The following ADAR variants were observed in gnomAD, a reference collection of about 807,000 sequenced individuals.
ADAR encodes the protein double-stranded RNA-specific adenosine deaminase.
In ADAR, 41 loss-of-function variants were observed where a neutral mutation model predicts 113.2. The ratio of observed to expected loss-of-function variants is 0.36; its 90% CI spans 0.28 to 0.47. The LOEUF (loss-of-function observed/expected upper bound fraction) is 0.47. Ranked by LOEUF, ADAR falls within the 20% of genes least tolerant of loss-of-function variation. The pLI is 1.00. For synonymous variants in ADAR, 605 were observed against 572.6 expected (o/e 1.06, Z -0.81); for missense variants, 1,242 against 1,540.9 (o/e 0.81, Z 3.25).
Position 154,588,234 on chromosome 1 carries a change from G to A in ADAR, c.2910C>T (p.Ala970=). Reference sequence around the variant, plus strand: ...GGTCGCTGCAGGACTTGTCAAAGAGGGCGCCATCTCCACACGGAGCAGTGC... The same window carrying A: ...GGTCGCTGCAGGACTTGTCAAAGAGAGCGCCATCTCCACACGGAGCAGTGC... ...YISTAPCGDG[A]LFDKSCSDRA... The change falls in exon 11 of 15, where the codon GCC becomes GCT. Residue 970 remains alanine, a synonymous_variant. Coordinates refer to ENST00000368474, the MANE Select transcript of ADAR (RefSeq NM_001111.5). 1 of 1,614,134 alleles carries A rather than the reference G, an allele frequency of 6.2e-7. No homozygotes were observed. Among genetic ancestry groups the A allele is most frequent in the Admixed American group, 1.7e-5 (1 of 60,026 alleles).
rs763767761 is a variant in ADAR, at chr1:154,602,208, T to C, written c.434A>G (p.Lys145Arg). Reference protein sequence around the residue: ...IYQDQEQRILKFLEELGEGKA... With the variant: ...IYQDQEQRILRFLEELGEGKA... ...CCCTTCCCCAAGCTCTTCCAGGAAC[T>C]TTAAGATCCTTTGTTCCTGATCTTG... Residue 145 changes from lysine to arginine, a missense_variant, in exon 2 of 15, where the codon AAG (lysine) becomes AGG (arginine). Transcript: ENST00000368474. 7.4e-6 allele frequency: 12 copies of C among 1,614,118 alleles called. No individual in the cohort carries two copies. In the Admixed American group the frequency reaches 1.2e-4, roughly 16 times the overall value.
At position 154,589,858 on chromosome 1, in the gene ADAR, G is replaced by A; in HGVS notation, c.2567C>T (p.Thr856Ile). The A allele has an allele frequency of 6.2e-7, 1 of 1,614,092 alleles. No homozygotes were observed. Among genetic ancestry groups the A allele is most frequent in the Non-Finnish European group, 8.5e-7 (1 of 1,180,026 alleles). Residue 856 changes from threonine to isoleucine, a missense_variant, in exon 8 of 15, where the codon ACT becomes ATT. Physicochemically the swap from Thr to Ile is moderately conservative, Grantham distance 89. Around this residue, in one of 2 missense-constraint regions of ADAR, gnomAD observed 780 missense variants for 1,057.9 expected, o/e 0.74. Coordinates refer to ENST00000368474, the MANE Select transcript of ADAR (RefSeq NM_001111.5). ...MLSHRCFNTL[T>I]NSFQPSLLGR... Reference sequence around the variant, plus strand: ...GAGCAAGGAGGGCTGGAAGCTGTTAGTCAGAGTGTTGAAGCACCGGTGGCT... The same window carrying A: ...GAGCAAGGAGGGCTGGAAGCTGTTAATCAGAGTGTTGAAGCACCGGTGGCT...
At chr1:154,612,662 A>G (rs1168512621), upstream of ADAR, among the ~76,000 whole-genome samples, 1 of 151,946 alleles carries the variant, frequency 6.6e-6, no homozygotes, top group Admixed American at 6.6e-5. Context: ...GCATCATTTT[A>G]GAATAACTCT....
intron 11 of ADAR, among the ~76,000 whole-genome samples, chr1:154,587,491 C>A (rs1029907544): frequency 3.3e-5 from 5 of 152,180 alleles, no homozygotes; most frequent in African/African-American, 1.2e-4. Flanking sequence ...CACAGATCTC[C>A]ATCTCTCTGC....
intron 11 of ADAR, among the ~76,000 whole-genome samples, chr1:154,586,634 C>T (rs192620390): frequency 9.5e-4 from 145 of 152,308 alleles, no homozygotes; most frequent in Non-Finnish European, 1.4e-3. Flanking sequence ...CCAGTACATA[C>T]GGAAGAATTC....
At chr1:154,605,574 G>A (rs1698143339) in intron 1 of ADAR, among the ~76,000 whole-genome samples, 1 of 151,968 alleles carries the variant, frequency 6.6e-6, no homozygotes, top group South Asian at 2.1e-4. Context: ...TTGATTCCAT[G>A]GTGAGCTCTT....
At chr1:154,586,459 C>T in intron 11 of ADAR, 96 bp from the exon 12 acceptor site, 1 of 1,211,678 alleles carries the variant, frequency 8.3e-7, no homozygotes, top group Non-Finnish European at 1.2e-6. Context: ...CCACAGGCTA[C>T]ATTCATTCAT....
intron 1 of ADAR, among the ~76,000 whole-genome samples, chr1:154,625,072 G>A (rs542915418): frequency 1.1e-4 from 16 of 152,254 alleles, no homozygotes; most frequent in Admixed American, 4.6e-4. Context: ...CTTTGTGCCC[G>A]TCATCCCAGC....
rs773272107 is a variant in ADAR, at chr1:154,589,764, C to T, written c.2661G>A (p.Leu887=). ...TCTCAGAGCCTCACTCACCTGTTCC[C>T]AAGCTGACGACGACACCCATGTCCT... ...DSEDMGVVVS[L]GTGNRCVKGD... is the part of the protein sequence containing the mutation. Residue 887 remains leucine, a synonymous_variant, in exon 8 of 15, where the codon TTG becomes TTA. Transcript: ENST00000368474. 17 of 1,613,980 alleles carry T rather than the reference C, an allele frequency of 1.1e-5. No homozygotes were observed. The South Asian group carries it at 1.5e-4, about 15-fold the overall frequency.
chr1:154,600,851 T>C, intron 2 of ADAR, 190 bp downstream of exon 2: 2 of 773,016 alleles, frequency 2.6e-6, no homozygotes, highest in South Asian at 1.7e-5. Flanking sequence ...TTCTGGCTGG[T>C]CCAAGGTCTA....
At position 154,602,087 on chromosome 1, in the gene ADAR, T is replaced by C; in HGVS notation, c.555A>G (p.Leu185=). 5 of 1,614,218 alleles carry C rather than the reference T, an allele frequency of 3.1e-6. No individual in the cohort carries two copies. Among genetic ancestry groups the C allele is most frequent in the Non-Finnish European group, 4.2e-6 (5 of 1,180,038 alleles). The change falls in exon 2 of 15, where the codon CTA becomes CTG. Residue 185 remains leucine, a synonymous_variant. Coordinates refer to ENST00000368474, the MANE Select transcript of ADAR (RefSeq NM_001111.5). ...VLYSLAKKGK[L]QKEAGTPPLW... ...AAGGGGGTGTTCCTGCCTCTTTCTG[T>C]AGCTTGCCCTTCTTTGCCAGGGAGT...
chr1:154,585,140 G>C, intron 14 of ADAR, 77 bp downstream of exon 14: 3 of 1,613,424 alleles, frequency 1.9e-6, no homozygotes, highest in Non-Finnish European at 2.5e-6. Context: ...CTCAAGCCCT[G>C]AGACTGCAGA....
intron 7 of ADAR, 42 bp downstream of exon 7, chr1:154,590,142 C>CGGG: frequency 2.5e-6 from 2 of 809,408 alleles, no homozygotes; most frequent in Non-Finnish European, 3.9e-6. Flanking sequence ...GTTAGGAGGA[C>CGGG]CCCCCCGCCC....
At chr1:154,614,971 G>A (rs1698591732) in intron 1 of ADAR, among the ~76,000 whole-genome samples, 1 of 152,236 alleles carries the variant, frequency 6.6e-6, no homozygotes, top group Non-Finnish European at 1.5e-5. Context: ...CAGAGGAAAA[G>A]GCCATGTGAA....
At chr1:154,610,679 G>A (rs1314824035), upstream of ADAR, among the ~76,000 whole-genome samples, 1 of 151,974 alleles carries the variant, frequency 6.6e-6, no homozygotes, top group Non-Finnish European at 1.5e-5. Flanking sequence ...GCATGGTGGC[G>A]TGTGCCTGTA....
At chr1:154,627,747 G>A (rs1026693925) in intron 1 of ADAR, 1 of 440,736 alleles carries the variant, frequency 2.3e-6, no homozygotes, top group Non-Finnish European at 4.5e-6. Context: ...GTGCCCTGCC[G>A]GGGCGCCCCC....
chr1:154,604,415 C>T (rs1391750755), intron 1 of ADAR, among the ~76,000 whole-genome samples: 1 of 152,210 alleles, frequency 6.6e-6, no homozygotes, highest in Non-Finnish European at 1.5e-5. Context: ...GGTCAGTTCC[C>T]TTCTCCACCC....
upstream of ADAR, among the ~76,000 whole-genome samples, chr1:154,608,569 C>T (rs903296412): frequency 2.8e-5 from 4 of 145,296 alleles, no homozygotes; most frequent in African/African-American, 7.5e-5. Flanking sequence ...CTCGAACTCC[C>T]GGCTTCAAGA....
intron 1 of ADAR, among the ~76,000 whole-genome samples, chr1:154,622,827 A>G (rs1026825800): frequency 6.6e-6 from 1 of 152,236 alleles, no homozygotes; most frequent in Non-Finnish European, 1.5e-5. Flanking sequence ...CATTTAATAA[A>G]CATTTACTGA....
Sources: allele counts gnomAD v4.1 joint callset (sites outside exome capture counted in the v4.1 genomes callset), GRCh38; gene constraint gnomAD v4.1.1; regional missense constraint gnomAD v4.1.1; transcripts MANE v1.5; gene names NCBI Gene and HGNC (gene_info 2026-07-23, HGNC 2026-07-21).